Variants in LRP1B observed in about 807,000 individuals in gnomAD.
The protein encoded by LRP1B is low-density lipoprotein receptor-related protein 1B.
In LRP1B, 217 loss-of-function variants were observed where a neutral mutation model predicts 556.6. That is an observed-to-expected ratio of 0.39 (90% CI 0.35 to 0.44). The LOEUF is 0.44. Ranked by LOEUF, LRP1B falls within the 20% of genes least tolerant of loss-of-function variation. The pLI is 1.00. For synonymous variants in LRP1B, 2,047 were observed against 1,865.8 expected, an observed-to-expected ratio of 1.10 and a Z score of -2.50; for missense variants, 5,053 against 5,620.8, an observed-to-expected ratio of 0.90 and a Z score of 3.23.
chr2:141,974,796 G>A (rs550392570), intron 1 of LRP1B, among the ~76,000 whole-genome samples: 1 of 152,128 alleles, frequency 6.6e-6, no homozygotes, highest in East Asian at 1.9e-4. Flanking sequence ...AATTTGAAAT[G>A]ACAGATATTA....
chr2:141,445,882 A>G (rs919976127), intron 3 of LRP1B, among the ~76,000 whole-genome samples: 9 of 152,172 alleles, frequency 5.9e-5, no homozygotes, highest in African/African-American at 2.2e-4. Flanking sequence ...TGCTGAGAAG[A>G]ATATATATTC....
intron 3 of LRP1B, among the ~76,000 whole-genome samples, chr2:141,359,891 C>G (rs1688759530): frequency 6.6e-6 from 1 of 151,790 alleles, no homozygotes; most frequent in Non-Finnish European, 1.5e-5. Flanking sequence ...TACTGGTAGC[C>G]AAGTATGCAC....
chr2:141,011,793 T>C (rs1438099790), intron 14 of LRP1B, among the ~76,000 whole-genome samples: 1 of 152,054 alleles, frequency 6.6e-6, no homozygotes, highest in Non-Finnish European at 1.5e-5. Context: ...AACATTGCAC[T>C]ATTATACATC....
intron 1 of LRP1B, among the ~76,000 whole-genome samples, chr2:142,081,905 G>C (rs1479852248): frequency 6.6e-6 from 1 of 152,142 alleles, no homozygotes; most frequent in Non-Finnish European, 1.5e-5. Context: ...ATTTTACAGA[G>C]GGTAAAAAGT....
chr2:141,632,484 C>T lies in LRP1B; in HGVS notation c.206-151951G>A, dbSNP rs1047889988. 4.6e-5 allele frequency among the ~76,000 whole-genome samples: 7 copies of T among 151,982 alleles called. No homozygotes were observed. In the East Asian group the frequency reaches 5.8e-4, roughly 13 times the overall value. On this transcript the variant is annotated intron_variant, in intron 2 of 90. Coordinates refer to ENST00000389484, the MANE Select transcript of LRP1B (RefSeq NM_018557.3). The stretch of plus-strand genomic sequence containing the variant: ...ATTGTTTCTATATCCTGAATATTTC[C>T]GGGAGGCATTTCGACAGACGAGAGA...
rs1698913661 is a variant in LRP1B at position 141,047,627 on chromosome 2, A to T, written c.1789+1359T>A. ...CTTTGACTCAAAAGCATTTCTTTTT[A>T]TTCCTTTGGGATTTTTTCCAAACTC... On this transcript the variant is annotated intron_variant, in intron 11 of 90. Transcript: ENST00000389484. 3.3e-5 allele frequency among the ~76,000 whole-genome samples: 5 copies of T among 152,086 alleles called. No individual in the cohort carries two copies. In the South Asian group the frequency reaches 1.0e-3, roughly 32 times the overall value.
At chr2:140,246,746 A>C (rs1468703317) in intron 87 of LRP1B, among the ~76,000 whole-genome samples, 3 of 151,386 alleles carry the variant, frequency 2.0e-5, no homozygotes, top group African/African-American at 7.3e-5. Flanking sequence ...ACATGGAATT[A>C]TTTTTCTTCC....
intron 3 of LRP1B, among the ~76,000 whole-genome samples, chr2:141,369,203 G>T (rs1689144526): frequency 6.6e-6 from 1 of 152,044 alleles, no homozygotes; most frequent in African/African-American, 2.4e-5. Context: ...ATATATTTAA[G>T]ATCTTAAGTA....
intron 20 of LRP1B, among the ~76,000 whole-genome samples, chr2:140,934,721 C>T (rs1030010771): frequency 4.6e-5 from 7 of 152,060 alleles, no homozygotes; most frequent in Admixed American, 1.3e-4. Context: ...TGTCACTGAC[C>T]GCAAAGGTGC....
At chr2:142,107,794 ATTT>A (rs67962280) in intron 1 of LRP1B, among the ~76,000 whole-genome samples, 39,990 of 110,716 alleles carry the variant, frequency 0.36, 4,868 homozygotes, top group East Asian at 0.56. Flanking sequence ...CGCCTAGCTA[ATTT>A]TTTTTTTTTT....
At chr2:140,386,627 A>G (rs1017540056) in intron 66 of LRP1B, among the ~76,000 whole-genome samples, 1 of 152,220 alleles carries the variant, frequency 6.6e-6, no homozygotes, top group Non-Finnish European at 1.5e-5. Flanking sequence ...CCAGGAAAGT[A>G]TTAACTAGCC....
chr2:141,754,590 C>T (rs1694252566), intron 2 of LRP1B, among the ~76,000 whole-genome samples: 1 of 152,142 alleles, frequency 6.6e-6, no homozygotes, highest in Admixed American at 6.6e-5. Context: ...ATAAAACTCC[C>T]TCCTTGTCCT....
Position 141,913,945 on chromosome 2 carries a change from A to C in LRP1B, c.83-103544T>G, listed in dbSNP as rs567126583. ...GTATTTTTAGTAGAGATGGGGTTTC[A>C]CTGTGTTAGCCAGGATGGTCTCGAT... On this transcript the variant is annotated intron_variant, in intron 1 of 90. Coordinates refer to ENST00000389484, the MANE Select transcript of LRP1B (RefSeq NM_018557.3). Among the ~76,000 whole-genome samples, 44 of 152,104 alleles carry C rather than the reference A, an allele frequency of 2.9e-4. No homozygotes were observed. In the South Asian group the frequency reaches 8.9e-3, roughly 31 times the overall value.
At position 140,626,103 on chromosome 2, in the gene LRP1B, T is replaced by G. The variant is rs564548713; in HGVS notation, c.6800-24464A>C. On this transcript the variant is annotated intron_variant, in intron 41 of 90. Transcript: ENST00000389484. ...TAGAGAAAACTTAAATGCATATTAC[T>G]AAATTAAAGAAGCCAATCTGTAAAG... 3.7e-4 allele frequency among the ~76,000 whole-genome samples: 56 copies of G among 152,320 alleles called. 2 individuals carry two copies. The South Asian group carries it at 0.012, about 32-fold the overall frequency.
In LRP1B at chr2:141,017,276, G is replaced by A. The variant is rs1285160800; in HGVS notation, c.1971-1361C>T. 3.3e-5 allele frequency among the ~76,000 whole-genome samples: 5 copies of A among 151,814 alleles called. No homozygotes were observed. In the East Asian group the frequency reaches 9.7e-4, roughly 29 times the overall value. On this transcript the variant is annotated intron_variant, in intron 12 of 90. Transcript: ENST00000389484. ...AATTAACTATATAAAAGTGAAATAT[G>A]CAATCTTTTCATCTCTATTGATATT...
chr2:141,248,627 A>G (rs1684153990), intron 4 of LRP1B, among the ~76,000 whole-genome samples: 1 of 152,288 alleles, frequency 6.6e-6, no homozygotes. Flanking sequence ...AAAGCGGCAG[A>G]AGAGATGAAA....
chr2:140,241,529 A>G (rs1171710035), intron 87 of LRP1B, among the ~76,000 whole-genome samples: 2 of 150,822 alleles, frequency 1.3e-5, no homozygotes, highest in Non-Finnish European at 3.0e-5. Context: ...GCTGTTAATT[A>G]AGTATGCTAG....
rs573505446 is a variant in LRP1B, at chr2:141,204,957, G to GA, written c.851-16375dup. Among the ~76,000 whole-genome samples, 1,048 of 151,606 alleles carry GA rather than the reference G, an allele frequency of 6.9e-3. 10 individuals are homozygous for GA. Among genetic ancestry groups the GA allele is most frequent in the African/African-American group, 0.023 (947 of 41,318 alleles). On this transcript the variant is annotated intron_variant, in intron 6 of 90. Coordinates refer to ENST00000389484, the MANE Select transcript of LRP1B (RefSeq NM_018557.3). ...GTCTCAGATAAAAAAAAAGGAAAAA[G>GA]AAAAAAAGAATTTTAGAAATGTATA...
chr2:140,496,978 G>A (rs1423295794), intron 55 of LRP1B, among the ~76,000 whole-genome samples: 2 of 150,642 alleles, frequency 1.3e-5, no homozygotes, highest in African/African-American at 4.9e-5. Flanking sequence ...TATTGATAAA[G>A]CTATTAGAAT....
Sources: allele counts gnomAD v4.1 joint callset (sites outside exome capture counted in the v4.1 genomes callset), GRCh38; gene constraint gnomAD v4.1.1; transcripts MANE v1.5; gene names NCBI Gene and HGNC (gene_info 2026-07-23, HGNC 2026-07-21).